KCNQ5: variants seen among roughly 807,000 people sequenced by gnomAD.
The protein encoded by KCNQ5 is potassium voltage-gated channel subfamily KQT member 5.
Under a neutral mutation model 98.2 loss-of-function variants are expected in KCNQ5, and 30 were observed. The ratio of observed to expected loss-of-function variants is 0.31; its 90% confidence interval spans 0.23 to 0.41. The LOEUF is 0.41. Ranked by LOEUF, KCNQ5 falls within the 10% of genes least tolerant of loss-of-function variation. The probability of loss-of-function intolerance (pLI) is 1.00; values close to 1 mark genes in which losing one functional copy is unlikely to be tolerated. For missense variants in KCNQ5, 835 were observed against 1,182.5 expected, an observed-to-expected ratio of 0.71 and a Z score of 4.31; for synonymous variants, 458 against 449.4, an observed-to-expected ratio of 1.02 and a Z score of -0.24.
intron 1 of KCNQ5, among the ~76,000 whole-genome samples, chr6:72,798,786 C>T (rs1019927687): frequency 1.3e-5 from 2 of 152,068 alleles, no homozygotes; most frequent in Admixed American, 6.6e-5. Context: ...CATTAATAGT[C>T]CTGAGATTGG....
intron 8 of KCNQ5, among the ~76,000 whole-genome samples, chr6:73,123,036 TCA>T (rs531663242): frequency 1.1e-3 from 168 of 152,270 alleles, no homozygotes; most frequent in Non-Finnish European, 1.9e-3. Flanking sequence ...GATCATTTAT[TCA>T]GTCATGTATG....
At chr6:72,775,272 A>C (rs903294945) in intron 1 of KCNQ5, among the ~76,000 whole-genome samples, 1 of 152,170 alleles carries the variant, frequency 6.6e-6, no homozygotes, top group East Asian at 1.9e-4. Context: ...CCCCCAAAAA[A>C]TATTGAGTGA....
chr6:73,034,841 T>C (rs1387099170), intron 2 of KCNQ5, among the ~76,000 whole-genome samples: 2 of 5,876 alleles, frequency 3.4e-4, no homozygotes, highest in Admixed American at 2.8e-3. Flanking sequence ...CCTCTTTTCT[T>C]TTTTTTTTTT....
chr6:72,844,264 A>T (rs1776930872), intron 1 of KCNQ5, among the ~76,000 whole-genome samples: 1 of 152,210 alleles, frequency 6.6e-6, no homozygotes, highest in Admixed American at 6.5e-5. Context: ...CTCTGGAAAG[A>T]TTCAAGTTAT....
chr6:73,070,153 T>C (rs1773239430), intron 3 of KCNQ5, among the ~76,000 whole-genome samples: 1 of 152,212 alleles, frequency 6.6e-6, no homozygotes, highest in African/African-American at 2.4e-5. Context: ...CTTGATTCAT[T>C]TATTCTGAAA....
chr6:72,800,536 C>T (rs1012861295), intron 1 of KCNQ5, among the ~76,000 whole-genome samples: 1 of 152,118 alleles, frequency 6.6e-6, no homozygotes, highest in African/African-American at 2.4e-5. Flanking sequence ...ATTAGTCTTG[C>T]TAGCGGTCTA....
intron 1 of KCNQ5, among the ~76,000 whole-genome samples, chr6:72,647,461 G>GA (rs1302299672): frequency 3.8e-5 from 5 of 131,522 alleles, no homozygotes; most frequent in African/African-American, 5.6e-5. Flanking sequence ...AAAACAAAAC[G>GA]AAAAAAAAAG....
intron 1 of KCNQ5, among the ~76,000 whole-genome samples, chr6:72,908,512 T>G (rs546300296): frequency 6.6e-6 from 1 of 152,158 alleles, no homozygotes; most frequent in East Asian, 1.9e-4. Context: ...TTGATCTTTA[T>G]TTTCCCCAGA....
At chr6:72,883,463 A>G (rs560845233) in intron 1 of KCNQ5, among the ~76,000 whole-genome samples, 55 of 152,322 alleles carry the variant, frequency 3.6e-4, no homozygotes, top group Middle Eastern at 3.4e-3. Context: ...TTGGATTTTT[A>G]TAGATTCCTC....
intron 1 of KCNQ5, among the ~76,000 whole-genome samples, chr6:72,900,526 T>C (rs937270944): frequency 2.0e-5 from 3 of 148,850 alleles, no homozygotes; most frequent in African/African-American, 4.9e-5. Context: ...TTTATATATA[T>C]ACCACAGTTT....
At chr6:72,994,028 C>T (rs1769153167) in intron 1 of KCNQ5, among the ~76,000 whole-genome samples, 1 of 50,060 alleles carries the variant, frequency 2.0e-5, no homozygotes, top group Non-Finnish European at 3.4e-5. Flanking sequence ...CTCAGATCTC[C>T]AGCTGCGTGC....
chr6:73,153,467 T>A (rs550621697), intron 10 of KCNQ5, among the ~76,000 whole-genome samples: 1 of 152,292 alleles, frequency 6.6e-6, no homozygotes, highest in South Asian at 2.1e-4. Context: ...TCTTTGTATG[T>A]GTGTGTGCTG....
chr6:72,825,162 G>A (rs753170309), intron 1 of KCNQ5, among the ~76,000 whole-genome samples: 7 of 151,716 alleles, frequency 4.6e-5, no homozygotes, highest in Admixed American at 3.9e-4. Flanking sequence ...ACAAAAAAAC[G>A]AACATTTAGG....
At chr6:72,864,574 G>A (rs140587584) in intron 1 of KCNQ5, among the ~76,000 whole-genome samples, 1 of 152,228 alleles carries the variant, frequency 6.6e-6, no homozygotes, top group East Asian at 1.9e-4. Flanking sequence ...AATGTTAGCA[G>A]TAGCCAAAGC....
intron 3 of KCNQ5, among the ~76,000 whole-genome samples, chr6:73,049,417 C>T (rs745867337): frequency 6.6e-6 from 1 of 152,168 alleles, no homozygotes; most frequent in South Asian, 2.1e-4. Flanking sequence ...TTGTTTACTT[C>T]ACTCTATAGA....
chr6:73,113,596 T>C (rs1775351928), intron 7 of KCNQ5, among the ~76,000 whole-genome samples: 1 of 152,246 alleles, frequency 6.6e-6, no homozygotes, highest in Non-Finnish European at 1.5e-5. Context: ...AAAAGAAATA[T>C]AGAGAATAAC....
rs1562151021 is a variant in KCNQ5, at chr6:73,055,437, G to A, written c.616+13375G>A. The A allele has an allele frequency of 1.5e-5, 23 of 1,535,940 alleles. 1 individual carries two copies. Among genetic ancestry groups the A allele is most frequent in the Non-Finnish European group, 1.3e-5 (15 of 1,111,288 alleles). On this transcript the variant is annotated intron_variant, in intron 3 of 13. Transcript: ENST00000370398. ...GAAGCCCAGGTGAAGATCTGCAGGT[G>A]CTCCTATGATGTCCCACCACCTCCG...
In KCNQ5 at chr6:73,191,554, C is replaced by T. The variant is rs1427974981; in HGVS notation, c.1709+850C>T. Among the ~76,000 whole-genome samples the T allele has an allele frequency of 2.0e-5, 3 of 152,164 alleles. No homozygotes were observed. In the East Asian group the frequency reaches 5.8e-4, roughly 29 times the overall value. On this transcript the variant is annotated intron_variant, in intron 12 of 13. Transcript: ENST00000370398. ...TTGTGATTGTATAGTGCCCAAAATG[C>T]AAGGACTGAGACTTGAACTTTTTTT... is the stretch of plus-strand genomic sequence containing the variant.
chr6:73,099,607 G>T (rs1412635978), intron 5 of KCNQ5, among the ~76,000 whole-genome samples: 1 of 152,068 alleles, frequency 6.6e-6, no homozygotes, highest in East Asian at 1.9e-4. Flanking sequence ...AATGATAAAG[G>T]AATCAATTCA....
Sources: gnomAD v4.1 joint callset for allele counts (sites outside exome capture counted in the v4.1 genomes callset) on GRCh38, gnomAD v4.1.1 for gene constraint, MANE v1.5 for transcripts, NCBI Gene and HGNC (gene_info 2026-07-23, HGNC 2026-07-21) for gene names.